The following TYW1 variants were observed in gnomAD, a reference collection of about 807,000 sequenced individuals.
TYW1 encodes the protein S-adenosyl-L-methionine-dependent tRNA 4-demethylwyosine synthase TYW1.
A neutral mutation model predicts 96.2 loss-of-function variants in TYW1; 46 were observed. The observed-to-expected ratio is 0.48, with a 90% CI of 0.38 to 0.61. The LOEUF is 0.61. Among genes scored for constraint, TYW1 ranks in the 20% least tolerant of loss-of-function variants. TYW1 has a pLI of 0.00. For synonymous variants in TYW1, 274 were observed against 323.0 expected (o/e 0.85, Z 1.63); for missense variants, 684 against 909.6 (o/e 0.75, Z 3.19).
chr7:67,087,199 T>G (rs1393870641), intron 11 of TYW1, among the ~76,000 whole-genome samples: 4 of 152,200 alleles, frequency 2.6e-5, no homozygotes, highest in Non-Finnish European at 5.9e-5. Context: ...CTTTGTTGAT[T>G]TTAATAAAAT....
intron 13 of TYW1, among the ~76,000 whole-genome samples, chr7:67,122,810 G>A (rs372710168): frequency 5.9e-5 from 9 of 152,270 alleles, no homozygotes; most frequent in East Asian, 5.8e-4. Context: ...CTAGAGGCCT[G>A]AGAGTCACAT....
At chr7:67,120,446 T>C (rs1563024250) in intron 13 of TYW1, among the ~76,000 whole-genome samples, 1 of 152,246 alleles carries the variant, frequency 6.6e-6, no homozygotes, top group Non-Finnish European at 1.5e-5. Flanking sequence ...ATATGTGTTT[T>C]ACCAGTTGTC....
intron 15 of TYW1, among the ~76,000 whole-genome samples, chr7:67,199,321 C>T (rs912598764): frequency 1.3e-5 from 2 of 151,996 alleles, no homozygotes; most frequent in African/African-American, 2.4e-5. Context: ...TCCTTTTCAG[C>T]GTGTCACACT....
intron 13 of TYW1, among the ~76,000 whole-genome samples, chr7:67,136,337 T>C (rs6460328): frequency 0.28 from 42,074 of 152,104 alleles, 6,667 homozygotes; most frequent in African/African-American, 0.44. Context: ...TTCCATGTTA[T>C]GTACTGTGAT....
intron 15 of TYW1, among the ~76,000 whole-genome samples, chr7:67,217,978 C>A (rs567818183): frequency 5.3e-5 from 8 of 151,070 alleles, no homozygotes; most frequent in Non-Finnish European, 1.0e-4. Flanking sequence ...CCTTCCTCAG[C>A]CTCCCAAGTA....
chr7:67,174,063 A>G (rs1799591462), intron 13 of TYW1, among the ~76,000 whole-genome samples: 2 of 145,138 alleles, frequency 1.4e-5, no homozygotes, highest in Non-Finnish European at 1.5e-5. Context: ...GCTCTATTGC[A>G]CAGTGCTGGT....
chr7:67,101,486 A>G (rs952929806), intron 12 of TYW1, among the ~76,000 whole-genome samples: 13 of 152,344 alleles, frequency 8.5e-5, no homozygotes, highest in African/African-American at 2.9e-4. Context: ...GATTGATCAC[A>G]TACATTCGCA....
chr7:67,180,990 G>A (rs1046754215), intron 13 of TYW1, among the ~76,000 whole-genome samples: 3 of 151,932 alleles, frequency 2.0e-5, no homozygotes, highest in Non-Finnish European at 4.4e-5. Context: ...ATTGACTGGA[G>A]AATGTTGTGG....
intron 7 of TYW1, among the ~76,000 whole-genome samples, chr7:67,039,002 C>T (rs553205663): frequency 2.5e-4 from 38 of 152,312 alleles, no homozygotes; most frequent in African/African-American, 8.7e-4. Flanking sequence ...AAGCAAAATG[C>T]AAGTATTTGA....
chr7:67,189,275 G>A (rs1054780894), intron 14 of TYW1, among the ~76,000 whole-genome samples: 1 of 151,940 alleles, frequency 6.6e-6, no homozygotes, highest in Non-Finnish European at 1.5e-5. Context: ...TCTCCCTGAC[G>A]TGTGAGTGTG....
At chr7:67,146,217 A>AT (rs1299059348) in intron 13 of TYW1, among the ~76,000 whole-genome samples, 3 of 152,208 alleles carry the variant, frequency 2.0e-5, no homozygotes, top group Non-Finnish European at 4.4e-5. Context: ...CTATTTCTTC[A>AT]TAATGATAGA....
chr7:67,130,786 G>A (rs545360711), intron 13 of TYW1, among the ~76,000 whole-genome samples: 1 of 152,082 alleles, frequency 6.6e-6, no homozygotes, highest in African/African-American at 2.4e-5. Flanking sequence ...CTTGTCTTTG[G>A]CAGCCTTCCC....
intron 11 of TYW1, among the ~76,000 whole-genome samples, chr7:67,086,019 T>C (rs759238734): frequency 3.9e-5 from 6 of 152,174 alleles, no homozygotes; most frequent in South Asian, 2.1e-4. Flanking sequence ...CTTTATGAAT[T>C]TTCTAGGGAA....
intron 12 of TYW1, among the ~76,000 whole-genome samples, chr7:67,115,784 G>C (rs1797575934): frequency 6.6e-6 from 1 of 152,178 alleles, no homozygotes; most frequent in Non-Finnish European, 1.5e-5. Context: ...CCATTATAAA[G>C]TGGTGAATTG....
intron 12 of TYW1, among the ~76,000 whole-genome samples, chr7:67,106,085 C>T (rs1202104556): frequency 6.6e-6 from 1 of 152,020 alleles, no homozygotes; most frequent in African/African-American, 2.4e-5. Context: ...TTAGTAGAGA[C>T]AGGGTTTCTC....
chr7:67,177,969 C>A, intron 13 of TYW1, among the ~76,000 whole-genome samples: 3 of 122,048 alleles, frequency 2.5e-5, no homozygotes, highest in East Asian at 2.3e-4. Context: ...GCCTGGGCAA[C>A]AAAGTGAGAG....
intron 15 of TYW1, among the ~76,000 whole-genome samples, chr7:67,205,378 G>C (rs1800754528): frequency 6.7e-6 from 1 of 149,440 alleles, no homozygotes; most frequent in Admixed American, 6.7e-5. Context: ...GACATTATAG[G>C]ATGGAGGCGG....
At chr7:67,062,236 C>T (rs1440054789) in intron 9 of TYW1, among the ~76,000 whole-genome samples, 1 of 151,938 alleles carries the variant, frequency 6.6e-6, no homozygotes, top group Non-Finnish European at 1.5e-5. Context: ...TGGTGAAACC[C>T]TGTCTCTACT....
chr7:67,231,218 A>G (rs1168906119), intron 15 of TYW1, among the ~76,000 whole-genome samples: 1 of 151,786 alleles, frequency 6.6e-6, no homozygotes, highest in Non-Finnish European at 1.5e-5. Flanking sequence ...CAACTCTCAA[A>G]CTCTCTGCCA....
Sources: allele counts gnomAD v4.1 joint callset (sites outside exome capture counted in the v4.1 genomes callset), GRCh38; gene constraint gnomAD v4.1.1; transcripts MANE v1.5; gene names NCBI Gene and HGNC (gene_info 2026-07-23, HGNC 2026-07-21).